SLC8A1: variants seen among roughly 807,000 people sequenced by gnomAD.
SLC8A1 encodes the protein sodium/calcium exchanger 1.
A neutral mutation model predicts 68.3 loss-of-function variants in SLC8A1; 18 were observed. The observed-to-expected ratio is 0.26, with a 90% CI of 0.18 to 0.39. SLC8A1 has a LOEUF of 0.39. SLC8A1 is among the 10% of genes least tolerant of loss of function. The pLI is 1.00. For synonymous variants in SLC8A1, 475 were observed against 415.5 expected, an observed-to-expected ratio of 1.14 and a Z score of -1.74; for missense variants, 985 against 1,156.7, an observed-to-expected ratio of 0.85 and a Z score of 2.15.
intron 2 of SLC8A1, among the ~76,000 whole-genome samples, chr2:40,299,552 T>A (rs2071042295): frequency 6.6e-6 from 1 of 152,302 alleles, no homozygotes; most frequent in South Asian, 2.1e-4. Flanking sequence ...GACAAATTGC[T>A]GGCTCAATTC....
chr2:40,359,443 C>A (rs778149320), intron 2 of SLC8A1, among the ~76,000 whole-genome samples: 1 of 151,912 alleles, frequency 6.6e-6, no homozygotes, highest in Non-Finnish European at 1.5e-5. Flanking sequence ...GGGTTTTTGT[C>A]CTGAGCGCAA....
chr2:40,370,704 T>C (rs1030170716), intron 2 of SLC8A1, among the ~76,000 whole-genome samples: 1 of 152,150 alleles, frequency 6.6e-6, no homozygotes, highest in Non-Finnish European at 1.5e-5. Context: ...CTCTACTGTA[T>C]TCTTGAGTCA....
chr2:40,320,479 A>T (rs1436870048), intron 2 of SLC8A1, among the ~76,000 whole-genome samples: 1 of 152,174 alleles, frequency 6.6e-6, no homozygotes, highest in Non-Finnish European at 1.5e-5. Context: ...GGATAACCCT[A>T]AACAAATAAA....
intron 2 of SLC8A1, among the ~76,000 whole-genome samples, chr2:40,346,590 G>A (rs942725747): frequency 1.3e-5 from 2 of 151,882 alleles, no homozygotes; most frequent in African/African-American, 4.9e-5. Context: ...TTCCACAAGA[G>A]CTTGTTCTCT....
At chr2:40,429,018 G>C (rs1299525983) in exon 2 of SLC8A1, 1 of 1,613,574 alleles carries the variant, frequency 6.2e-7, no homozygotes. Context: ...CAGTACCACA[G>C]TTCTCCAGAC....
intron 2 of SLC8A1, among the ~76,000 whole-genome samples, chr2:40,253,882 G>T (rs2063425901): frequency 7.1e-6 from 1 of 140,450 alleles, no homozygotes; most frequent in Non-Finnish European, 1.5e-5. Context: ...CAGGAGTGGG[G>T]GATAAAGAAA....
chr2:40,200,426 G>A (rs1037008968), intron 2 of SLC8A1, among the ~76,000 whole-genome samples: 5 of 147,814 alleles, frequency 3.4e-5, no homozygotes, highest in African/African-American at 7.5e-5. Context: ...TGATTCCAAT[G>A]CTTAAGAGTT....
chr2:40,187,233 G>T (rs2050859639), intron 2 of SLC8A1, among the ~76,000 whole-genome samples: 1 of 152,196 alleles, frequency 6.6e-6, no homozygotes, highest in African/African-American at 2.4e-5. Context: ...CCACTAGCAG[G>T]ATACGCACAG....
intron 2 of SLC8A1, among the ~76,000 whole-genome samples, chr2:40,219,881 T>A: frequency 3.9e-5 from 1 of 25,406 alleles, no homozygotes; most frequent in South Asian, 9.1e-4. Context: ...TAGGATTTTT[T>A]TTTTTTTTTT....
At chr2:40,366,341 T>C (rs1676190566) in intron 2 of SLC8A1, among the ~76,000 whole-genome samples, 1 of 152,122 alleles carries the variant, frequency 6.6e-6, no homozygotes, top group South Asian at 2.1e-4. Context: ...GTGGTATATG[T>C]TAAATGAATC....
intron 4 of SLC8A1, among the ~76,000 whole-genome samples, chr2:40,172,128 C>A (rs1257981432): frequency 6.6e-6 from 1 of 152,202 alleles, no homozygotes. Context: ...AAGCCTCCAA[C>A]TGACTTCCAA....
In SLC8A1 at chr2:40,274,427, T is replaced by C. The variant is rs192346746; in HGVS notation, c.1809-96572A>G. On this transcript the variant is annotated intron_variant, in intron 2 of 7. Coordinates refer to ENST00000406785, the Ensembl canonical transcript of SLC8A1. ...TCTAAAATTTTCCAGCAGTATCAGA[T>C]GAAAAGCCATGGAATGGGGCTGTCT... 1.8e-3 allele frequency among the ~76,000 whole-genome samples: 277 copies of C among 152,170 alleles called. 1 individual carries two copies. The highest frequency in any genetic ancestry group is 1.8e-3 in the Non-Finnish European group (122 of 68,014).
chr2:40,315,470 C>G (rs2074316160), intron 2 of SLC8A1, among the ~76,000 whole-genome samples: 1 of 132,898 alleles, frequency 7.5e-6, no homozygotes, highest in Admixed American at 8.4e-5. Context: ...TTTCAGTTGG[C>G]TATCCCTGTT....
intron 2 of SLC8A1, among the ~76,000 whole-genome samples, chr2:40,270,416 C>G (rs1386392807): frequency 6.6e-6 from 1 of 152,226 alleles, no homozygotes; most frequent in Non-Finnish European, 1.5e-5. Flanking sequence ...ATTGAGGTGC[C>G]AGCAGGGCTG....
chr2:40,205,280 A>C (rs563035325), intron 2 of SLC8A1, among the ~76,000 whole-genome samples: 4 of 104,686 alleles, frequency 3.8e-5, no homozygotes, highest in African/African-American at 1.3e-4. Flanking sequence ...ATCGTTTATA[A>C]GTCTAAAAAG....
chr2:40,253,891 A>G (rs2063428111), intron 2 of SLC8A1, among the ~76,000 whole-genome samples: 1 of 113,780 alleles, frequency 8.8e-6, no homozygotes, highest in Non-Finnish European at 1.8e-5. Flanking sequence ...GGGATAAAGA[A>G]ACAAACGTTG....
rs138707081 is a variant in SLC8A1, at chr2:40,470,566, C to T, written c.-24-40262G>A. 6.9e-3 allele frequency among the ~76,000 whole-genome samples: 1,048 copies of T among 151,736 alleles called. 23 individuals are homozygous for T. In the South Asian group the frequency reaches 0.084, roughly 12 times the overall value. On this transcript the variant is annotated intron_variant, in intron 1 of 7. Coordinates refer to the SLC8A1 transcript ENST00000402441. ...ATATAGACCTATATTAACATAAACACATATTGTGTTAAGAGCAAGTTATAA... is the reference window on the plus strand; with the variant it reads ...ATATAGACCTATATTAACATAAACATATATTGTGTTAAGAGCAAGTTATAA...
At chr2:40,432,894 A>G (rs1238729619) in intron 1 of SLC8A1, among the ~76,000 whole-genome samples, 1 of 152,162 alleles carries the variant, frequency 6.6e-6, no homozygotes, top group Non-Finnish European at 1.5e-5. Context: ...AGTGATCCCA[A>G]TACTTGGCAG....
At chr2:40,295,599 A>T (rs1396328305) in intron 2 of SLC8A1, among the ~76,000 whole-genome samples, 1 of 152,174 alleles carries the variant, frequency 6.6e-6, no homozygotes, top group Non-Finnish European at 1.5e-5. Flanking sequence ...TATGTGCCAG[A>T]TGCTAAAAGG....
Sources: gnomAD v4.1 joint callset for allele counts (sites outside exome capture counted in the v4.1 genomes callset) on GRCh38, gnomAD v4.1.1 for gene constraint, MANE v1.5 for transcripts, NCBI Gene and HGNC (gene_info 2026-07-23, HGNC 2026-07-21) for gene names.